Variants in EXTL2 observed in about 807,000 individuals in gnomAD.
The protein encoded by EXTL2 is exostosin-like 2.
EXTL2 carries 23 observed loss-of-function variants against 30.7 expected under a neutral mutation model. That is an observed-to-expected ratio of 0.75 (90% CI 0.54 to 1.06). EXTL2 has a LOEUF of 1.06. Among genes scored for constraint, EXTL2 ranks in the 50% least tolerant of loss-of-function variants. The probability of loss-of-function intolerance (pLI) is 0.00; values close to 1 mark genes in which losing one functional copy is unlikely to be tolerated. For missense variants in EXTL2, 352 were observed against 396.3 expected (o/e 0.89, Z 0.95); for synonymous variants, 123 against 133.8 (o/e 0.92, Z 0.56).
chr1:100,876,047 G>A (rs550259510), intron 4 of EXTL2, among the ~76,000 whole-genome samples: 1 of 152,160 alleles, frequency 6.6e-6, no homozygotes, highest in South Asian at 2.1e-4. Flanking sequence ...AATATCGAAT[G>A]CTGTTATATC....
At chr1:100,880,051 T>C (rs1023791613) in intron 2 of EXTL2, among the ~76,000 whole-genome samples, 2 of 152,190 alleles carry the variant, frequency 1.3e-5, no homozygotes, top group African/African-American at 4.8e-5. Context: ...AACCATCATA[T>C]TCCTGTAAGC....
chr1:100,876,299 C>G (rs543804569), intron 4 of EXTL2, among the ~76,000 whole-genome samples: 2 of 151,890 alleles, frequency 1.3e-5, no homozygotes, highest in African/African-American at 4.8e-5. Flanking sequence ...AAAAACAAAA[C>G]AAAATAAAAC....
At position 100,872,530 on chromosome 1, in the gene EXTL2, T is replaced by G. The variant is rs969324744; in HGVS notation, c.*1412A>C. 6.6e-6 allele frequency: 1 copy of G among 152,428 alleles called. No homozygotes were observed. The highest frequency in any genetic ancestry group is 1.5e-5 in the Non-Finnish European group (1 of 67,946). 9.4% of individuals were successfully genotyped at this position (152,428 alleles called of 1,614,324 possible). ...TTCTTTGTTTTTGTTTTTTACAATC[T>G]GACTGCATTAAGACACATATACTCT... On this transcript the variant is annotated 3_prime_UTR_variant, in exon 5 of 5. Transcript: ENST00000370114.
In EXTL2 at chr1:100,889,827, G is replaced by A. The variant is rs150932518; in HGVS notation, c.-71-999C>T. 9.1e-3 allele frequency among the ~76,000 whole-genome samples: 1,392 copies of A among 152,282 alleles called. 16 individuals carry two copies. The highest frequency in any genetic ancestry group is 0.032 in the African/African-American group (1,325 of 41,554). Reference sequence around the variant, plus strand: ...GAGTCTTGGGAAGCTGTACTCCTGTGGCTTTTCAGGGTACAGTCCCCCTCC... The same window carrying A: ...GAGTCTTGGGAAGCTGTACTCCTGTAGCTTTTCAGGGTACAGTCCCCCTCC... On this transcript the variant is annotated intron_variant, in intron 1 of 4. Coordinates refer to ENST00000370114, the MANE Select transcript of EXTL2 (RefSeq NM_001033025.3).
intron 2 of EXTL2, among the ~76,000 whole-genome samples, chr1:100,887,747 C>T (rs891394072): frequency 1.3e-4 from 19 of 151,986 alleles, no homozygotes; most frequent in African/African-American, 4.6e-4. Flanking sequence ...CTCTGTCGCC[C>T]AGGCTGGAGA....
Position 100,873,858 on chromosome 1 carries a change from T to G in EXTL2, c.*84A>C, listed in dbSNP as rs1228147296. On this transcript the variant is annotated 3_prime_UTR_variant, in exon 5 of 5. Coordinates refer to ENST00000370114, the MANE Select transcript of EXTL2 (RefSeq NM_001033025.3). ...AGACTTCTGGAGTAGATAAAATTCA[T>G]GATGTTGCTTAAAAAAATACATAGC... is the stretch of plus-strand genomic sequence containing the variant. 3.7e-6 allele frequency: 5 copies of G among 1,363,750 alleles called. No individual in the cohort carries two copies. 84.5% of individuals were successfully genotyped at this position (1,363,750 alleles called of 1,614,324 possible). A position where few individuals can be genotyped will look rare whatever the true frequency, so the allele number is the denominator to read the frequency against.
At chr1:100,889,404 G>A (rs1418490676) in intron 1 of EXTL2, among the ~76,000 whole-genome samples, 1 of 152,096 alleles carries the variant, frequency 6.6e-6, no homozygotes, top group Non-Finnish European at 1.5e-5. Flanking sequence ...ATTTGGGTGG[G>A]GACACAGCCA....
rs1257475037 is a variant in EXTL2 at position 100,877,010 on chromosome 1, T to C, written c.434-146A>G. The stretch of plus-strand genomic sequence containing the variant: ...AGCAATGTATTCTTGGGGAGATTTG[T>C]CCAGTAGAAAATAATTTTTTTGGTA... On this transcript the variant is annotated intron_variant, in intron 3 of 4. Transcript: ENST00000370114. The surrounding 1 kb of genome is among the most constrained non-coding windows in gnomAD (Gnocchi z 4.1). 1 of 570,102 alleles carries C rather than the reference T, an allele frequency of 1.8e-6. No homozygotes were observed. Among genetic ancestry groups the C allele is most frequent in the Non-Finnish European group, 3.1e-6 (1 of 324,318 alleles). The allele number at this position is 570,102 out of a possible 1,614,324, so 35.3% of individuals were successfully genotyped here.
At chr1:100,881,006 A>G in intron 2 of EXTL2, 1 of 984,168 alleles carries the variant, frequency 1.0e-6, no homozygotes, top group Non-Finnish European at 1.2e-6. Flanking sequence ...CCCTGTATCC[A>G]TCACAGACAT....
intron 2 of EXTL2, among the ~76,000 whole-genome samples, chr1:100,884,065 A>C (rs1649772989): frequency 6.6e-6 from 1 of 152,182 alleles, no homozygotes; most frequent in African/African-American, 2.4e-5. Flanking sequence ...GTTCCTTCAG[A>C]CTGGAAAGCA....
chr1:100,876,548 G>A, intron 4 of EXTL2, among the ~76,000 whole-genome samples: 1 of 151,962 alleles, frequency 6.6e-6, no homozygotes, highest in Non-Finnish European at 1.5e-5. Flanking sequence ...TTCTCTGGAA[G>A]GCAGTTCTAG....
chr1:100,881,223 C>T (rs1649529820), intron 2 of EXTL2, among the ~76,000 whole-genome samples: 1 of 146,530 alleles, frequency 6.8e-6, no homozygotes, highest in African/African-American at 2.8e-5. Flanking sequence ...GCAAGTGGCA[C>T]ACTGTACTTT....
At chr1:100,878,987 A>G (rs1649353014) in intron 2 of EXTL2, among the ~76,000 whole-genome samples, 1 of 152,128 alleles carries the variant, frequency 6.6e-6, no homozygotes, top group Non-Finnish European at 1.5e-5. Flanking sequence ...TATTGTACCT[A>G]AAGGGTCTTC....
intron 3 of EXTL2, 134 bp from the exon 4 acceptor site, chr1:100,876,998 T>G (rs1649173846): frequency 1.7e-6 from 1 of 594,602 alleles, no homozygotes; most frequent in African/African-American, 1.9e-5. Context: ...AATGTATTCT[T>G]GGGGAGATTT....
At chr1:100,888,179 TC>T (rs1407561139) in intron 2 of EXTL2, 1 of 152,252 alleles carries the variant, frequency 6.6e-6, no homozygotes, top group East Asian at 1.9e-4. Context: ...AACTAGTGTT[TC>T]CAAGGAAATA....
intron 2 of EXTL2, among the ~76,000 whole-genome samples, chr1:100,879,200 T>C (rs1649374007): frequency 6.6e-6 from 1 of 152,194 alleles, no homozygotes; most frequent in South Asian, 2.1e-4. Flanking sequence ...TGTAGTACTG[T>C]TGGCATTCAA....
intron 2 of EXTL2, among the ~76,000 whole-genome samples, chr1:100,885,071 C>T (rs981266659): frequency 6.6e-6 from 1 of 152,210 alleles, no homozygotes; most frequent in Non-Finnish European, 1.5e-5. Flanking sequence ...CTGTTCCCTA[C>T]ATAGAAGAGC....
At chr1:100,876,054 T>C (rs1370052491) in intron 4 of EXTL2, among the ~76,000 whole-genome samples, 1 of 152,112 alleles carries the variant, frequency 6.6e-6, no homozygotes, top group Non-Finnish European at 1.5e-5. Context: ...AATGCTGTTA[T>C]ATCCCAAGAA....
chr1:100,889,564 G>A (rs1650252287), intron 1 of EXTL2, among the ~76,000 whole-genome samples: 1 of 152,106 alleles, frequency 6.6e-6, no homozygotes, highest in South Asian at 2.1e-4. Context: ...AGTCCCTTCT[G>A]CTTAGGAGCC....
Sources: gnomAD v4.1 joint callset for allele counts (sites outside exome capture counted in the v4.1 genomes callset) on GRCh38, gnomAD v4.1.1 for gene constraint, Gnocchi (gnomAD v3.1) non-coding constraint, MANE v1.5 for transcripts, NCBI Gene and HGNC (gene_info 2026-07-23, HGNC 2026-07-21) for gene names.